Variants in XPO5 observed in about 807,000 individuals in gnomAD.
XPO5 encodes exportin-5.
Under a neutral mutation model 160.6 loss-of-function variants are expected in XPO5, and 46 were observed. That is an observed-to-expected ratio of 0.29 (90% CI 0.23 to 0.37). The LOEUF (loss-of-function observed/expected upper bound fraction) is 0.37, where lower values mean the gene tolerates loss of function less well. Among genes scored for constraint, XPO5 ranks in the 10% least tolerant of loss-of-function variants. XPO5 has a pLI of 1.00. For missense variants in XPO5, 1,090 were observed against 1,463.9 expected (o/e 0.74, Z 4.17); for synonymous variants, 537 against 519.3 (o/e 1.03, Z -0.46).
At chr6:43,565,824 C>A in intron 7 of XPO5, 88 bp from the exon 8 acceptor site, 1 of 1,069,598 alleles carries the variant, frequency 9.3e-7, no homozygotes. Context: ...AATATATTGA[C>A]TTCATAATTT....
intron 24 of XPO5, 103 bp downstream of exon 24, chr6:43,528,725 G>A: frequency 7.2e-6 from 8 of 1,106,468 alleles, no homozygotes; most frequent in Non-Finnish European, 1.1e-5. Flanking sequence ...AGTCTGGCAG[G>A]GCTAGTAGAC....
rs1270726347 is a variant in XPO5, at chr6:43,553,454, T to C, written c.1491A>G (p.Ser497=). ...TGGCTTCCCACTGCACGAATGAAGGTGAGAAGACGGAACAGAGGCTTCCTT... is the reference window on the plus strand; with the variant it reads ...TGGCTTCCCACTGCACGAATGAAGGCGAGAAGACGGAACAGAGGCTTCCTT... ...TGEGSLCSVF[S]PSFVQWEAMT... is the part of the protein sequence containing the mutation. The change falls in exon 14 of 32, where the codon TCA becomes TCG. Residue 497 remains serine (S), a synonymous_variant. Coordinates refer to ENST00000265351, the MANE Select transcript of XPO5 (RefSeq NM_020750.3). 1.9e-6 allele frequency: 3 copies of C among 1,586,054 alleles called. No individual in the cohort carries two copies. The highest frequency in any genetic ancestry group is 2.3e-5 in the South Asian group (2 of 86,734).
chr6:43,530,132 C>CTACA (rs1376143613), intron 23 of XPO5, among the ~76,000 whole-genome samples: 1 of 152,162 alleles, frequency 6.6e-6, no homozygotes, highest in East Asian at 1.9e-4. Context: ...TAGCATGCGC[C>CTACA]TGTAATCCCA....
chr6:43,525,756 G>T, intron 28 of XPO5, 83 bp downstream of exon 28: 1 of 1,427,464 alleles, frequency 7.0e-7, no homozygotes, highest in Non-Finnish European at 9.5e-7. Flanking sequence ...AAAAACTCTT[G>T]ATAGCACCAT....
At chr6:43,547,902 C>T (rs1178575463) in intron 18 of XPO5, among the ~76,000 whole-genome samples, 195 bp from the exon 19 acceptor site, 5 of 152,088 alleles carry the variant, frequency 3.3e-5, no homozygotes, top group Non-Finnish European at 5.9e-5. Context: ...TTATTAGTAA[C>T]AATTTAAGAA....
At chr6:43,565,866 G>T (rs1762671172) in intron 7 of XPO5, 130 bp from the exon 8 acceptor site, 1 of 651,598 alleles carries the variant, frequency 1.5e-6, no homozygotes, top group Non-Finnish European at 2.5e-6. Context: ...TGAAACACTA[G>T]AAAGAAGCCC....
At chr6:43,570,003 C>G (rs1417747178) in intron 5 of XPO5, among the ~76,000 whole-genome samples, 8 of 85,384 alleles carry the variant, frequency 9.4e-5, no homozygotes, top group Non-Finnish European at 1.8e-4. Flanking sequence ...AGATCCCTAT[C>G]TTTTTTTTTT....
intron 23 of XPO5, 120 bp downstream of exon 23, chr6:43,530,568 A>G: frequency 8.3e-7 from 1 of 1,210,360 alleles, no homozygotes; most frequent in Non-Finnish European, 1.1e-6. Context: ...ATACACTTAG[A>G]TACATAATCT....
intron 7 of XPO5, among the ~76,000 whole-genome samples, chr6:43,566,022 C>T (rs370885857): frequency 2.0e-5 from 3 of 151,644 alleles, no homozygotes; most frequent in Non-Finnish European, 4.4e-5. Context: ...TTTGGGAGGA[C>T]GAGGCAGGCG....
Position 43,570,552 on chromosome 6 carries a change from T to A in XPO5, c.571A>T (p.Ser191Cys), listed in dbSNP as rs756343490. The stretch of plus-strand genomic sequence containing the variant: ...TCTTGAAGTGTGTTAAGCAGAAAAC[T>A]GAAGATCCTTTCCATGTTCTGGGTT... ...TLTQNMERIF[S>C]FLLNTLQENV... is the part of the protein sequence containing the mutation. The change falls in exon 5 of 32, where the codon AGT (serine) becomes TGT (cysteine). Residue 191 changes from serine (S) to cysteine (C), a missense_variant. Ser to Cys is a moderately radical substitution (Grantham distance 112). Around this residue, in one of 3 missense-constraint regions of XPO5, gnomAD observed 110 missense variants for 97.9 expected, o/e 1.12. Coordinates refer to ENST00000265351, the MANE Select transcript of XPO5 (RefSeq NM_020750.3). 1 of 1,613,760 alleles carries A rather than the reference T, an allele frequency of 6.2e-7. No individual in the cohort carries two copies.
chr6:43,536,068 A>G (rs1271735844), intron 20 of XPO5, among the ~76,000 whole-genome samples: 1 of 151,750 alleles, frequency 6.6e-6, no homozygotes, highest in Non-Finnish European at 1.5e-5. Context: ...AGATCGTGCC[A>G]CTGCACTCCA....
Position 43,549,499 on chromosome 6 carries a change from T to C in XPO5, c.1850A>G (p.Gln617Arg), listed in dbSNP as rs2127730721. 6.2e-7 allele frequency: 1 copy of C among 1,611,830 alleles called. No homozygotes were observed. Among genetic ancestry groups the C allele is most frequent in the Non-Finnish European group, 8.5e-7 (1 of 1,179,218 alleles). ...GGTCCAGCAGCTTACCAGCACAAGC[T>C]GGGGGTAGTCACGACACATCTTGAT... ...SIIKMCRDYP[Q>R]LVLPNFDMLY... is the part of the protein sequence containing the mutation. The change falls in exon 17 of 32, where the codon CAG (glutamine) becomes CGG (arginine). Residue 617 changes from glutamine to arginine, a missense_variant. Coordinates refer to ENST00000265351, the MANE Select transcript of XPO5 (RefSeq NM_020750.3).
intron 20 of XPO5, among the ~76,000 whole-genome samples, chr6:43,537,243 A>AT (rs1311092990): frequency 6.6e-6 from 1 of 152,068 alleles, no homozygotes; most frequent in Non-Finnish European, 1.5e-5. Flanking sequence ...AAGTGCTGAA[A>AT]TTATAGGCAT....
chr6:43,552,233 T>C (rs531376337), intron 14 of XPO5, among the ~76,000 whole-genome samples: 3 of 152,082 alleles, frequency 2.0e-5, no homozygotes, highest in African/African-American at 7.2e-5. Flanking sequence ...AATTTTTGTA[T>C]TTTTAGTAGA....
At chr6:43,570,780 CA>C in intron 4 of XPO5, 76 bp downstream of exon 4, 1 of 1,528,114 alleles carries the variant, frequency 6.5e-7, no homozygotes, top group Non-Finnish European at 8.8e-7. Flanking sequence ...AAAAAACCCA[CA>C]AACAAAATCA....
chr6:43,562,189 T>G (rs1006589984), intron 9 of XPO5, 58 bp downstream of exon 9: 76 of 1,420,344 alleles, frequency 5.4e-5, no homozygotes, highest in Non-Finnish European at 7.1e-5. Context: ...AAACATAAGT[T>G]TCTAAATGCT....
At chr6:43,560,382 A>C in intron 10 of XPO5, 79 bp from the exon 11 acceptor site, 1 of 1,454,546 alleles carries the variant, frequency 6.9e-7, no homozygotes, top group Non-Finnish European at 9.1e-7. Context: ...GTTATCAACT[A>C]CATTTTTTCA....
intron 26 of XPO5, 74 bp from the exon 27 acceptor site, chr6:43,526,821 A>G: frequency 2.0e-6 from 3 of 1,492,866 alleles, no homozygotes; most frequent in Non-Finnish European, 2.8e-6. Flanking sequence ...AGGCCCACTG[A>G]TCCCAACCTG....
chr6:43,573,304 G>T (rs1763106196), intron 2 of XPO5, 176 bp downstream of exon 2: 1 of 819,740 alleles, frequency 1.2e-6, no homozygotes, highest in Non-Finnish European at 1.8e-6. Context: ...CTGAAGAAAA[G>T]AAAGGTTAAA....
Sources: gnomAD v4.1 joint callset for allele counts (sites outside exome capture counted in the v4.1 genomes callset) on GRCh38, gnomAD v4.1.1 for gene constraint, gnomAD v4.1.1 regional missense constraint, MANE v1.5 for transcripts, NCBI Gene and HGNC (gene_info 2026-07-23, HGNC 2026-07-21) for gene names.